The following CSMD3 variants were observed in gnomAD, a reference collection of about 807,000 sequenced individuals.
The protein encoded by CSMD3 is CUB and Sushi multiple domains 3.
In CSMD3, 177 loss-of-function variants were observed where a neutral mutation model predicts 435.2. The observed-to-expected ratio is 0.41, with a 90% CI of 0.36 to 0.46. The LOEUF is 0.46. CSMD3 is among the 20% of genes least tolerant of loss of function. The probability of loss-of-function intolerance (pLI) is 0.34; values close to 1 mark genes in which losing one functional copy is unlikely to be tolerated. For missense variants in CSMD3, 4,265 were observed against 4,504.6 expected, an observed-to-expected ratio of 0.95 and a Z score of 1.52; for synonymous variants, 1,656 against 1,520.5, an observed-to-expected ratio of 1.09 and a Z score of -2.07.
chr8:112,611,576 G>T (rs1219375581), intron 22 of CSMD3, among the ~76,000 whole-genome samples: 15 of 152,128 alleles, frequency 9.9e-5, no homozygotes, highest in Admixed American at 9.8e-4. Context: ...GTGTTTAGCT[G>T]TATGCTTTGC....
intron 3 of CSMD3, among the ~76,000 whole-genome samples, chr8:113,264,400 T>TTATA (rs140774232): frequency 2.0e-5 from 3 of 148,672 alleles, no homozygotes; most frequent in East Asian, 3.9e-4. Flanking sequence ...TCAACTATAT[T>TTATA]TATATATATA....
At chr8:112,294,466 A>G (rs1005199788) in intron 54 of CSMD3, among the ~76,000 whole-genome samples, 1 of 152,162 alleles carries the variant, frequency 6.6e-6, no homozygotes, top group Non-Finnish European at 1.5e-5. Flanking sequence ...GGTGAAAAAT[A>G]TAAGAAAAAT....
intron 5 of CSMD3, among the ~76,000 whole-genome samples, chr8:113,020,850 T>C (rs1488734030): frequency 6.6e-6 from 1 of 152,162 alleles, no homozygotes; most frequent in East Asian, 1.9e-4. Context: ...TCATTGTATA[T>C]GTAATCAGTG....
At chr8:112,969,234 C>T (rs2084547396) in intron 7 of CSMD3, among the ~76,000 whole-genome samples, 1 of 151,850 alleles carries the variant, frequency 6.6e-6, no homozygotes, top group African/African-American at 2.4e-5. Flanking sequence ...TATAAATATT[C>T]AGATGAGCTT....
chr8:112,224,974 A>G (rs751834648), intron 70 of CSMD3, 44 bp from the exon 71 acceptor site: 4 of 1,573,190 alleles, frequency 2.5e-6, no homozygotes, highest in Non-Finnish European at 3.5e-6. Context: ...ACTTTCTTCC[A>G]GAAACAGCAG....
At chr8:112,317,459 T>C (rs572981095) in intron 47 of CSMD3, among the ~76,000 whole-genome samples, 2 of 152,130 alleles carry the variant, frequency 1.3e-5, no homozygotes, top group South Asian at 2.1e-4. Context: ...GCTCAACTTT[T>C]TTTCCCATGT....
At chr8:112,331,028 GA>G (rs1223576328) in intron 45 of CSMD3, among the ~76,000 whole-genome samples, 1 of 151,878 alleles carries the variant, frequency 6.6e-6, no homozygotes, top group East Asian at 1.9e-4. Context: ...TTAAAATGAA[GA>G]TAATAATACT....
chr8:113,223,168 GAATT>G (rs892222499), intron 3 of CSMD3, among the ~76,000 whole-genome samples: 3 of 150,282 alleles, frequency 2.0e-5, no homozygotes, highest in Non-Finnish European at 4.5e-5. Context: ...ATTTTTGAAT[GAATT>G]AATATTTACT....
At chr8:112,881,956 C>T (rs1355083691) in intron 10 of CSMD3, among the ~76,000 whole-genome samples, 1 of 151,612 alleles carries the variant, frequency 6.6e-6, no homozygotes, top group Non-Finnish European at 1.5e-5. Context: ...TAATATTGTA[C>T]AGAATGTCAA....
intron 5 of CSMD3, among the ~76,000 whole-genome samples, chr8:113,096,558 T>C (rs2090167929): frequency 6.6e-6 from 1 of 151,300 alleles, no homozygotes; most frequent in South Asian, 2.1e-4. Context: ...CCACAGTGAC[T>C]TTTTTTTTAA....
chr8:113,134,808 T>C (rs1441475259), intron 4 of CSMD3, among the ~76,000 whole-genome samples: 1 of 151,990 alleles, frequency 6.6e-6, no homozygotes, highest in East Asian at 1.9e-4. Flanking sequence ...TAACTCATGA[T>C]TCTGGTAGCT....
chr8:112,782,110 G>A (rs1199649319), intron 13 of CSMD3, among the ~76,000 whole-genome samples: 2 of 152,058 alleles, frequency 1.3e-5, no homozygotes, highest in African/African-American at 4.8e-5. Context: ...AAGGACCAGT[G>A]ACCAATCCTG....
At chr8:112,786,834 T>G (rs1014654476) in intron 13 of CSMD3, among the ~76,000 whole-genome samples, 4 of 152,180 alleles carry the variant, frequency 2.6e-5, no homozygotes, top group African/African-American at 9.6e-5. Flanking sequence ...GTTTGCTGCA[T>G]GCATAAACCC....
intron 27 of CSMD3, among the ~76,000 whole-genome samples, chr8:112,541,032 A>C (rs1826612363): frequency 6.6e-6 from 1 of 152,014 alleles, no homozygotes. Context: ...CTTGTACTCC[A>C]TAAATATGTA....
At chr8:113,356,173 T>C (rs747003936) in intron 1 of CSMD3, among the ~76,000 whole-genome samples, 7 of 152,114 alleles carry the variant, frequency 4.6e-5, no homozygotes, top group Non-Finnish European at 1.0e-4. Flanking sequence ...ATGTAGTTTG[T>C]TTAAAAATCT....
Position 112,285,097 on chromosome 8 carries a change from G to A in CSMD3, c.9331+1967C>T, listed in dbSNP as rs965687984. On this transcript the variant is annotated intron_variant, in intron 58 of 70. Coordinates refer to ENST00000297405, the MANE Select transcript of CSMD3 (RefSeq NM_198123.2). ...TGATTGGTATCAGCTTCATTTATGA[G>A]AAAAATATTAATTCTATTGTATTTG... is the stretch of plus-strand genomic sequence containing the variant. 4.0e-5 allele frequency among the ~76,000 whole-genome samples: 6 copies of A among 151,838 alleles called. No individual in the cohort carries two copies. The East Asian group carries it at 9.6e-4, about 24-fold the overall frequency.
chr8:112,544,060 G>A (rs918137235), intron 27 of CSMD3, among the ~76,000 whole-genome samples: 5 of 151,968 alleles, frequency 3.3e-5, no homozygotes, highest in Non-Finnish European at 4.4e-5. Context: ...TTTTTCCAGG[G>A]GCTTAGGGGA....
intron 5 of CSMD3, among the ~76,000 whole-genome samples, chr8:113,096,748 A>G (rs2090174502): frequency 6.6e-6 from 1 of 152,176 alleles, no homozygotes; most frequent in Non-Finnish European, 1.5e-5. Context: ...GTGTTTCTAC[A>G]ACACAATAAG....
chr8:112,611,611 T>G (rs1433899582), intron 22 of CSMD3, among the ~76,000 whole-genome samples: 1 of 152,172 alleles, frequency 6.6e-6, no homozygotes, highest in Non-Finnish European at 1.5e-5. Context: ...TATAATAGAC[T>G]ATTGGCTTTT....
Sources: allele counts gnomAD v4.1 joint callset (sites outside exome capture counted in the v4.1 genomes callset), GRCh38; gene constraint gnomAD v4.1.1; transcripts MANE v1.5; gene names NCBI Gene and HGNC (gene_info 2026-07-23, HGNC 2026-07-21).